Variants in TTC34 observed in about 807,000 individuals in gnomAD.
TTC34 encodes the protein tetratricopeptide repeat protein 34.
A neutral mutation model predicts 40.7 loss-of-function variants in TTC34; 44 were observed. That is an observed-to-expected ratio of 1.08 (90% confidence interval 0.85 to 1.39). TTC34 has a LOEUF of 1.39. Ranked by LOEUF, TTC34 falls within the 40% of genes most tolerant of loss-of-function variation. The pLI, the probability that TTC34 is intolerant of heterozygous loss-of-function variation, is 0.00. For missense variants in TTC34, 884 were observed against 838.0 expected, an observed-to-expected ratio of 1.05 and a Z score of -0.68; for synonymous variants, 422 against 398.6, an observed-to-expected ratio of 1.06 and a Z score of -0.70.
intron 6 of TTC34, among the ~76,000 whole-genome samples, chr1:2,691,843 G>A (rs1214038110): frequency 3.9e-5 from 2 of 51,634 alleles, no homozygotes; most frequent in African/African-American, 6.2e-5. Context: ...TGCATGTGAT[G>A]GTCTGGAGCA....
rs1639001327 is a variant in TTC34 at position 2,645,450 on chromosome 1, G to A, written c.2340C>T (p.Ser780=). Reference sequence around the variant, plus strand: ...GCTGGCTCAGAAGGGCCCGGCAGTGGGAGTAGAGGCCCTGTGTGATGAGGG... The same window carrying A: ...GCTGGCTCAGAAGGGCCCGGCAGTGAGAGTAGAGGCCCTGTGTGATGAGGG... The change falls in exon 7 of 9, where the codon TCC becomes TCT. Residue 780 remains serine (S), a synonymous_variant. Coordinates refer to ENST00000401095, the Ensembl canonical transcript of TTC34. This position sits in a 1 kb window ranked among gnomAD's most constrained non-coding sequence, Gnocchi z 4.7. 1.3e-6 allele frequency: 2 copies of A among 1,535,286 alleles called. No individual in the cohort carries two copies. Among genetic ancestry groups the A allele is most frequent in the Non-Finnish European group, 1.7e-6 (2 of 1,146,646 alleles).
intron 6 of TTC34, among the ~76,000 whole-genome samples, chr1:2,695,900 G>GTAACA (rs1640842697): frequency 7.4e-6 from 1 of 135,490 alleles, no homozygotes; most frequent in Admixed American, 7.3e-5. Flanking sequence ...CTGACAGCCT[G>GTAACA]GGTCGGCACC....
intron 6 of TTC34, among the ~76,000 whole-genome samples, chr1:2,767,938 G>A (rs1332818657): frequency 6.8e-6 from 1 of 147,474 alleles, no homozygotes; most frequent in Non-Finnish European, 1.5e-5. Flanking sequence ...CCCCAAGGTG[G>A]GCATCCGATG....
At chr1:2,684,292 G>C (rs1417534194) in intron 6 of TTC34, among the ~76,000 whole-genome samples, 1 of 145,420 alleles carries the variant, frequency 6.9e-6, no homozygotes, top group African/African-American at 2.6e-5. Flanking sequence ...GCAAGCATAT[G>C]ACAGCCTGGG....
At chr1:2,683,699 G>A (rs1450438615) in intron 6 of TTC34, among the ~76,000 whole-genome samples, 5 of 148,280 alleles carry the variant, frequency 3.4e-5, no homozygotes, top group African/African-American at 7.7e-5. Context: ...TGACAGCCTG[G>A]AACAGCACCC....
At chr1:2,687,516 G>A (rs61765681) in intron 6 of TTC34, among the ~76,000 whole-genome samples, 3 of 147,014 alleles carry the variant, frequency 2.0e-5, no homozygotes, top group African/African-American at 5.4e-5. Flanking sequence ...TCCTTGAGCA[G>A]CACCCACACC....
intron 6 of TTC34, among the ~76,000 whole-genome samples, chr1:2,768,000 G>A (rs79031158): frequency 0.59 from 87,406 of 149,280 alleles, 26,460 homozygotes; most frequent in South Asian, 0.73. Flanking sequence ...GGAACAGCAC[G>A]TCCCCTCAGG....
chr1:2,749,922 CA>C (rs1641261399), intron 6 of TTC34, among the ~76,000 whole-genome samples: 1 of 98,766 alleles, frequency 1.0e-5, no homozygotes, highest in African/African-American at 5.0e-5. Context: ...TCGGCACCCA[CA>C]ACCCCAGGCG....
chr1:2,699,594 G>C (rs1475557647), intron 6 of TTC34, among the ~76,000 whole-genome samples: 1 of 127,818 alleles, frequency 7.8e-6, no homozygotes, highest in South Asian at 2.6e-4. Context: ...GCATCTGACA[G>C]CCTGGAGCAG....
chr1:2,686,625 T>C (rs1350578799), intron 6 of TTC34, among the ~76,000 whole-genome samples: 17 of 151,458 alleles, frequency 1.1e-4, no homozygotes, highest in East Asian at 3.9e-4. Context: ...TCTGACAGCA[T>C]GTAACAGCAC....
At chr1:2,797,238 C>T (rs1198600216) in intron 2 of TTC34, among the ~76,000 whole-genome samples, 1 of 152,180 alleles carries the variant, frequency 6.6e-6, no homozygotes, top group Non-Finnish European at 1.5e-5. Context: ...GGGGCCCACC[C>T]ACTAGCTGTT....
intron 2 of TTC34, among the ~76,000 whole-genome samples, chr1:2,793,395 C>T (rs1184729570): frequency 6.6e-6 from 1 of 152,076 alleles, no homozygotes; most frequent in Non-Finnish European, 1.5e-5. Flanking sequence ...AATTTATCTG[C>T]TCATTGTATA....
At chr1:2,755,763 A>G (rs1206573065) in intron 6 of TTC34, among the ~76,000 whole-genome samples, 43 of 116,540 alleles carry the variant, frequency 3.7e-4, no homozygotes, top group African/African-American at 7.3e-4. Flanking sequence ...AGCATCTGAC[A>G]GCCTGGAACG....
intron 6 of TTC34, among the ~76,000 whole-genome samples, chr1:2,778,695 G>A (rs1643408570): frequency 6.6e-6 from 1 of 152,222 alleles, no homozygotes; most frequent in Admixed American, 6.5e-5. Context: ...TGATCCCCAG[G>A]AGGGGCAGCA....
In TTC34 at chr1:2,645,405, AG is replaced by A. The variant is rs921990830; in HGVS notation, c.2384del (p.Pro795LeufsTer17). 13 of 1,535,398 alleles carry A rather than the reference AG, an allele frequency of 8.5e-6. No homozygotes were observed. Among genetic ancestry groups the A allele is most frequent in the Admixed American group, 2.0e-5 (1 of 50,916 alleles). ...GGCCCTGGGTGTCCTTGTCCTCGAGAGGGGCCCCAGTGTCTGGCAGCTGGCT... is the reference window on the plus strand; with the variant it reads ...GGCCCTGGGTGTCCTTGTCCTCGAGAGGGCCCCAGTGTCTGGCAGCTGGCT... On this transcript the variant is annotated frameshift_variant, in exon 7 of 9. Transcript: ENST00000401095. LOFTEE classifies it high-confidence loss of function. The surrounding 1 kb of genome is among the most constrained non-coding windows in gnomAD (Gnocchi z 4.7).
At chr1:2,761,330 G>A (rs1300054477) in intron 6 of TTC34, among the ~76,000 whole-genome samples, 1 of 81,626 alleles carries the variant, frequency 1.2e-5, no homozygotes, top group Admixed American at 1.1e-4. Flanking sequence ...ACAACCCCAG[G>A]TGAGTATCTG....
At chr1:2,641,007 A>G (rs1472122600) in exon 9 of TTC34, 1 of 160,824 alleles carries the variant, frequency 6.2e-6, no homozygotes, top group Non-Finnish European at 1.2e-5. Flanking sequence ...TGGGGCAGGG[A>G]AGCGGGGTGT....
chr1:2,797,709 G>A (rs1242973389), intron 2 of TTC34, among the ~76,000 whole-genome samples: 2 of 152,078 alleles, frequency 1.3e-5, no homozygotes, highest in African/African-American at 2.4e-5. Flanking sequence ...GTGGCCCTGG[G>A]TGCTCCTCCA....
chr1:2,694,070 C>G (rs1475114328), intron 6 of TTC34, among the ~76,000 whole-genome samples: 8 of 149,616 alleles, frequency 5.3e-5, no homozygotes, highest in Non-Finnish European at 8.9e-5. Flanking sequence ...ACCCACACAC[C>G]CAGGTGAGCA....
Sources: allele counts gnomAD v4.1 joint callset (sites outside exome capture counted in the v4.1 genomes callset), GRCh38; gene constraint gnomAD v4.1.1; non-coding constraint Gnocchi (gnomAD v3.1); transcripts MANE v1.5; gene names NCBI Gene and HGNC (gene_info 2026-07-23, HGNC 2026-07-21).